The following NF1 variants were observed in gnomAD, a reference collection of about 807,000 sequenced individuals.
NF1 encodes neurofibromin.
Under a neutral mutation model 325.7 loss-of-function variants are expected in NF1, and 122 were observed. That is an observed-to-expected ratio of 0.37 (90% CI 0.32 to 0.44). NF1 has a LOEUF of 0.44. Among genes scored for constraint, NF1 ranks in the 20% least tolerant of loss-of-function variants. The pLI, the probability that NF1 is intolerant of heterozygous loss-of-function variation, is 1.00. For synonymous variants in NF1, 1,091 were observed against 1,186.0 expected, an observed-to-expected ratio of 0.92 and a Z score of 1.65; for missense variants, 2,140 against 3,415.4, an observed-to-expected ratio of 0.63 and a Z score of 9.31.
chr17:31,129,230 C>T (rs1915142207), intron 1 of NF1, among the ~76,000 whole-genome samples: 1 of 152,090 alleles, frequency 6.6e-6, no homozygotes, highest in Non-Finnish European at 1.5e-5. Flanking sequence ...AATATGTTTT[C>T]CAAGTTGCTG....
At chr17:31,356,636 G>C in intron 52 of NF1, 54 bp downstream of exon 52, 1 of 1,606,180 alleles carries the variant, frequency 6.2e-7, no homozygotes. Context: ...GAGAGTACAT[G>C]AAAGTCATGT....
chr17:31,194,445 G>A (rs1260124544), intron 8 of NF1, among the ~76,000 whole-genome samples: 1 of 152,064 alleles, frequency 6.6e-6, no homozygotes, highest in Admixed American at 6.6e-5. Context: ...CAACTAGATA[G>A]GAAGAGTAAG....
chr17:31,117,882 T>A (rs1291984004), intron 1 of NF1, among the ~76,000 whole-genome samples: 1 of 152,138 alleles, frequency 6.6e-6, no homozygotes, highest in African/African-American at 2.4e-5. Context: ...ATATGTATTT[T>A]TAGGTATTCT....
In NF1 at chr17:31,232,069, T is replaced by TA. The variant is rs864622717; in HGVS notation, c.3198-4_3198-3insA. On this transcript the variant is annotated splice_polypyrimidine_tract_variant and splice_region_variant and intron_variant, in intron 24 of 57. Coordinates refer to ENST00000358273, the MANE Select transcript of NF1 (RefSeq NM_001042492.3). Reference sequence around the variant, plus strand: ...TTTTTTTTTTTTTTTTTTTTTTTTTTCAGAGATTTGGACCAGGCAAGCATG... The same window carrying TA: ...TTTTTTTTTTTTTTTTTTTTTTTTTTACAGAGATTTGGACCAGGCAAGCATG... 7.6e-7 allele frequency: 1 copy of TA among 1,307,242 alleles called. No homozygotes were observed. Among genetic ancestry groups the TA allele is most frequent in the Middle Eastern group, 2.7e-4 (1 of 3,690 alleles). The allele number at this position is 1,307,242 out of a possible 1,614,324, so 81.0% of individuals were successfully genotyped here.
At chr17:31,117,672 CAAAAAAAAAAAAAAAAAAA>C (rs780828438) in intron 1 of NF1, among the ~76,000 whole-genome samples, 2 of 19,816 alleles carry the variant, frequency 1.0e-4, no homozygotes, top group African/African-American at 2.5e-4. Flanking sequence ...AACTCCATCT[CAAAAAAAAAAAAAAAAAAA>C]AAAAAAAAAA....
At chr17:31,216,337 C>T (rs2066819395) in intron 13 of NF1, among the ~76,000 whole-genome samples, 1 of 152,144 alleles carries the variant, frequency 6.6e-6, no homozygotes, top group Non-Finnish European at 1.5e-5. Context: ...ATTTGCTTTG[C>T]TGCCATCTAG....
At chr17:31,115,182 C>T (rs1357791212) in intron 1 of NF1, among the ~76,000 whole-genome samples, 8 of 151,970 alleles carry the variant, frequency 5.3e-5, no homozygotes, top group Non-Finnish European at 8.8e-5. Context: ...TTATGACTTT[C>T]GTGGGGGTGG....
intron 46 of NF1, 128 bp from the exon 47 acceptor site, chr17:31,340,377 A>G (rs1037482895): frequency 4.1e-6 from 5 of 1,212,708 alleles, no homozygotes; most frequent in Non-Finnish European, 4.8e-6. Context: ...TCATATCTTT[A>G]TCTTCCCCAA....
chr17:31,235,111 TG>T (rs1226558825), intron 27 of NF1, among the ~76,000 whole-genome samples: 1 of 152,168 alleles, frequency 6.6e-6, no homozygotes, highest in Non-Finnish European at 1.5e-5. Flanking sequence ...CTTTTCTTCC[TG>T]GTTTCTCAAA....
At position 31,375,518 on chromosome 17, in the gene NF1, A is replaced by G. The variant is rs1031789000; in HGVS notation, c.*1363A>G. 3.9e-5 allele frequency: 9 copies of G among 231,676 alleles called. No homozygotes were observed. Among genetic ancestry groups the G allele is most frequent in the Non-Finnish European group, 6.0e-5 (7 of 116,924 alleles). The allele number at this position is 231,676 out of a possible 1,614,324, so 14.4% of individuals were successfully genotyped here. A position where few individuals can be genotyped will look rare whatever the true frequency, so the allele number is the denominator to read the frequency against. On this transcript the variant is annotated 3_prime_UTR_variant, in exon 58 of 58. Coordinates refer to ENST00000358273, the MANE Select transcript of NF1 (RefSeq NM_001042492.3). ...ACAAAATAATTTGACTTCAGTGAGC[A>G]TATTGGTATCTGGATGTTCCAATTT...
At chr17:31,220,101 T>G (rs1321399450) in intron 14 of NF1, among the ~76,000 whole-genome samples, 3 of 152,204 alleles carry the variant, frequency 2.0e-5, no homozygotes, top group Non-Finnish European at 4.4e-5. Context: ...TGTCGAACTT[T>G]TGAGGAACTG....
intron 36 of NF1, among the ~76,000 whole-genome samples, chr17:31,286,890 G>T (rs1449322655): frequency 6.6e-6 from 1 of 152,180 alleles, no homozygotes; most frequent in South Asian, 2.1e-4. Flanking sequence ...TTAATTTTCT[G>T]TTGAGGCAAG....
chr17:31,134,378 T>C (rs182459270), intron 1 of NF1, among the ~76,000 whole-genome samples: 2 of 152,356 alleles, frequency 1.3e-5, no homozygotes, highest in African/African-American at 2.4e-5. Flanking sequence ...CTAGAGTGTT[T>C]CATATGAATA....
Position 31,232,721 on chromosome 17 carries a change from C to A in NF1, c.3336C>A (p.Asn1112Lys), listed in dbSNP as rs1060500262. ...TCAGATACTTCACATTATTTATGAA[C>A]CTTTTGAATGACTGCAGTGAAGTTG... The part of the protein sequence containing the change: ...LFLKYFTLFM[N>K]LLNDCSEVED... The change falls in exon 26 of 58, where the codon AAC (asparagine) becomes AAA (lysine). Residue 1112 changes from asparagine (N) to lysine (K), a missense_variant. Asn to Lys is a moderately conservative substitution (Grantham distance 94). Around this residue, in one of 10 missense-constraint regions of NF1, gnomAD observed 380 missense variants for 639.3 expected, o/e 0.59. Coordinates refer to ENST00000358273, the MANE Select transcript of NF1 (RefSeq NM_001042492.3). 3 of 1,613,682 alleles carry A rather than the reference C, an allele frequency of 1.9e-6. No homozygotes were observed. Among genetic ancestry groups the A allele is most frequent in the Non-Finnish European group, 2.5e-6 (3 of 1,179,926 alleles).
chr17:31,096,178 T>A (rs1911703656), intron 1 of NF1, among the ~76,000 whole-genome samples: 1 of 147,974 alleles, frequency 6.8e-6, no homozygotes, highest in African/African-American at 2.5e-5. Flanking sequence ...TGTGATGCAT[T>A]CTCGAGTGAG....
chr17:31,129,469 T>G (rs1221579095), intron 1 of NF1, among the ~76,000 whole-genome samples: 1 of 151,284 alleles, frequency 6.6e-6, no homozygotes, highest in Non-Finnish European at 1.5e-5. Context: ...TTTTTTTTTT[T>G]TTTTTGAGAC....
intron 17 of NF1, 142 bp from the exon 18 acceptor site, chr17:31,226,293 G>A: frequency 8.8e-7 from 1 of 1,137,164 alleles, no homozygotes; most frequent in South Asian, 1.5e-5. Flanking sequence ...AAAGGAAAAA[G>A]CTCTTGTGAG....
intron 36 of NF1, among the ~76,000 whole-genome samples, chr17:31,301,812 T>C (rs1356669205): frequency 1.3e-5 from 2 of 152,222 alleles, no homozygotes; most frequent in Non-Finnish European, 2.9e-5. Context: ...TGTGTCTGAC[T>C]CTGGTTAATG....
intron 12 of NF1, among the ~76,000 whole-genome samples, chr17:31,212,793 G>A (rs1356127147): frequency 3.9e-5 from 6 of 151,942 alleles, no homozygotes; most frequent in East Asian, 1.9e-4. Context: ...ATAATTGTAT[G>A]TGCTATACTT....
Sources: gnomAD v4.1 joint callset for allele counts (sites outside exome capture counted in the v4.1 genomes callset) on GRCh38, gnomAD v4.1.1 for gene constraint, gnomAD v4.1.1 regional missense constraint, MANE v1.5 for transcripts, NCBI Gene and HGNC (gene_info 2026-07-23, HGNC 2026-07-21) for gene names.